The following EXOC4 variants were observed in gnomAD, a reference collection of about 807,000 sequenced individuals.
EXOC4 encodes the protein exocyst complex component 4, also known as SEC8-like 1.
EXOC4 carries 71 observed loss-of-function variants against 107.2 expected under a neutral mutation model. The ratio of observed to expected loss-of-function variants is 0.66; its 90% CI spans 0.55 to 0.81. The LOEUF (loss-of-function observed/expected upper bound fraction) is 0.81, where lower values mean the gene tolerates loss of function less well. Among genes scored for constraint, EXOC4 ranks in the 30% least tolerant of loss-of-function variants. EXOC4 has a pLI of 0.00. For missense variants in EXOC4, 1,108 were observed against 1,189.6 expected (o/e 0.93, Z 1.01); for synonymous variants, 456 against 441.2 (o/e 1.03, Z -0.42).
At chr7:133,763,803 C>A (rs574470154) in intron 10 of EXOC4, among the ~76,000 whole-genome samples, 2 of 151,318 alleles carry the variant, frequency 1.3e-5, no homozygotes, top group South Asian at 4.2e-4. Context: ...GGGAAACTTG[C>A]GGAAAGGACT....
At chr7:133,650,253 A>G (rs1803107633) in intron 10 of EXOC4, among the ~76,000 whole-genome samples, 3 of 152,196 alleles carry the variant, frequency 2.0e-5, no homozygotes, top group African/African-American at 7.2e-5. Flanking sequence ...GCTAGTCTAA[A>G]TACTTTGTGT....
intron 9 of EXOC4, among the ~76,000 whole-genome samples, chr7:133,572,319 T>G (rs938227749): frequency 6.6e-6 from 1 of 152,080 alleles, no homozygotes; most frequent in Non-Finnish European, 1.5e-5. Flanking sequence ...TCCTCCAAAT[T>G]TGCACCAAGG....
intron 3 of EXOC4, among the ~76,000 whole-genome samples, chr7:133,291,569 A>G (rs954328900): frequency 4.6e-5 from 7 of 151,656 alleles, no homozygotes; most frequent in Admixed American, 4.6e-4. Context: ...TTTAGTAGAG[A>G]TGGGTTTTCA....
At chr7:134,025,849 C>T (rs1040529398) in intron 17 of EXOC4, among the ~76,000 whole-genome samples, 1 of 152,162 alleles carries the variant, frequency 6.6e-6, no homozygotes, top group African/African-American at 2.4e-5. Flanking sequence ...CTGTCACTTT[C>T]TTAAAGCAAG....
intron 4 of EXOC4, among the ~76,000 whole-genome samples, chr7:133,314,219 A>G (rs1196902706): frequency 2.0e-5 from 3 of 152,134 alleles, no homozygotes; most frequent in Non-Finnish European, 4.4e-5. Flanking sequence ...ATATTCTACA[A>G]TAGCACCTAC....
At chr7:133,386,023 G>A (rs1796718332) in intron 7 of EXOC4, among the ~76,000 whole-genome samples, 1 of 151,782 alleles carries the variant, frequency 6.6e-6, no homozygotes, top group South Asian at 2.1e-4. Context: ...TGAATATTCA[G>A]GATTTCAAGT....
chr7:134,069,111 ACT>A (rs1459454357), downstream of EXOC4, among the ~76,000 whole-genome samples: 1 of 151,698 alleles, frequency 6.6e-6, no homozygotes, highest in African/African-American at 2.4e-5. Flanking sequence ...GACTCTGTGC[ACT>A]CTCTTCTGAG....
Position 133,564,852 on chromosome 7 carries a change from G to A in EXOC4, c.1418-65193G>A, listed in dbSNP as rs77917104. Among the ~76,000 whole-genome samples the A allele has an allele frequency of 5.0e-3, 754 of 152,268 alleles. 3 individuals carry two copies. The highest frequency in any genetic ancestry group is 0.017 in the Middle Eastern group (5 of 290). On this transcript the variant is annotated intron_variant, in intron 9 of 17. Coordinates refer to ENST00000253861, the MANE Select transcript of EXOC4 (RefSeq NM_021807.4). ...AACCTGGGAGTTACTGCAAATTGTC[G>A]TGGAACTGAACCTTGAGGCCTGTGA...
rs558864124 is a variant in EXOC4 at position 133,494,688 on chromosome 7, A to G, written c.1417+14550A>G. Among the ~76,000 whole-genome samples, 16 of 152,358 alleles carry G rather than the reference A, an allele frequency of 1.1e-4. 1 individual carries two copies. In the South Asian group the frequency reaches 2.7e-3, roughly 26 times the overall value. On this transcript the variant is annotated intron_variant, in intron 9 of 17. Coordinates refer to ENST00000253861, the MANE Select transcript of EXOC4 (RefSeq NM_021807.4). ...GTATTCACCCTAACACAATAGATGT[A>G]GTTGCCCTAAAATAGATACAGAATT... is the stretch of plus-strand genomic sequence containing the variant.
rs1389390735 is a variant in EXOC4, at chr7:133,429,038, G to A, written c.1183-46290G>A. Reference sequence around the variant, plus strand: ...TGGAAAGGCTGAAGTTGCAGGGAAAGTATTAAGCAAGAGAGGCGTGGTTTG... The same window carrying A: ...TGGAAAGGCTGAAGTTGCAGGGAAAATATTAAGCAAGAGAGGCGTGGTTTG... On this transcript the variant is annotated intron_variant, in intron 7 of 17. Transcript: ENST00000253861. Among the ~76,000 whole-genome samples, 6 of 152,290 alleles carry A rather than the reference G, an allele frequency of 3.9e-5. No individual in the cohort carries two copies. In the East Asian group the frequency reaches 1.2e-3, roughly 29 times the overall value.
intron 11 of EXOC4, among the ~76,000 whole-genome samples, chr7:133,862,077 C>A (rs1280081061): frequency 1.3e-5 from 2 of 151,996 alleles, no homozygotes; most frequent in African/African-American, 4.8e-5. Flanking sequence ...TTGCTGTGTA[C>A]CTAGCTTTGG....
At chr7:133,737,622 G>T (rs1195412858) in intron 10 of EXOC4, among the ~76,000 whole-genome samples, 1 of 152,032 alleles carries the variant, frequency 6.6e-6, no homozygotes, top group Non-Finnish European at 1.5e-5. Flanking sequence ...ATTAGAAGAT[G>T]GCTTGTGGCT....
At chr7:133,404,904 GCA>G (rs35757786) in intron 7 of EXOC4, among the ~76,000 whole-genome samples, 89,828 of 111,100 alleles carry the variant, frequency 0.81, 36,216 homozygotes, top group East Asian at 0.91. Context: ...ACACACACAC[GCA>G]CACACACACA....
chr7:133,434,455 C>G (rs1797923074), intron 7 of EXOC4, among the ~76,000 whole-genome samples: 1 of 152,108 alleles, frequency 6.6e-6, no homozygotes, highest in Non-Finnish European at 1.5e-5. Flanking sequence ...CTCTGAGCTC[C>G]CCCCTCTGGC....
chr7:133,777,243 T>G (rs1796363233), intron 10 of EXOC4, among the ~76,000 whole-genome samples: 1 of 151,208 alleles, frequency 6.6e-6, no homozygotes, highest in Non-Finnish European at 1.5e-5. Context: ...CATGTATACT[T>G]TCTTCTAGGC....
At chr7:133,306,993 A>G (rs1173518477) in intron 4 of EXOC4, among the ~76,000 whole-genome samples, 1 of 152,172 alleles carries the variant, frequency 6.6e-6, no homozygotes, top group Non-Finnish European at 1.5e-5. Context: ...TGCATAGTAC[A>G]TGTCCTTCCA....
chr7:133,792,093 T>G (rs1438227305), intron 10 of EXOC4, among the ~76,000 whole-genome samples: 1 of 151,852 alleles, frequency 6.6e-6, no homozygotes, highest in Non-Finnish European at 1.5e-5. Flanking sequence ...GACCCAGCAG[T>G]TTTACTCGTG....
At chr7:133,730,219 T>G (rs1795298063) in intron 10 of EXOC4, among the ~76,000 whole-genome samples, 1 of 149,308 alleles carries the variant, frequency 6.7e-6, no homozygotes, top group Non-Finnish European at 1.5e-5. Flanking sequence ...CTTTCTGACC[T>G]ACATTGTACA....
chr7:133,517,101 A>G (rs866162134), intron 9 of EXOC4, among the ~76,000 whole-genome samples: 2 of 152,148 alleles, frequency 1.3e-5, no homozygotes, highest in African/African-American at 2.4e-5. Flanking sequence ...AAGGAATTCT[A>G]TACATTTATT....
Sources: gnomAD v4.1 joint callset for allele counts (sites outside exome capture counted in the v4.1 genomes callset) on GRCh38, gnomAD v4.1.1 for gene constraint, MANE v1.5 for transcripts, NCBI Gene and HGNC (gene_info 2026-07-23, HGNC 2026-07-21) for gene names.